MPP7: variants seen among roughly 807,000 people sequenced by gnomAD.
MPP7 encodes MAGUK p55 scaffold protein 7.
A neutral mutation model predicts 76.5 loss-of-function variants in MPP7; 60 were observed. The ratio of observed to expected loss-of-function variants is 0.78; its 90% confidence interval spans 0.64 to 0.97. MPP7 has a LOEUF of 0.97. MPP7 is among the 50% of genes least tolerant of loss of function. The pLI, the probability that MPP7 is intolerant of heterozygous loss-of-function variation, is 0.00. For synonymous variants in MPP7, 237 were observed against 244.5 expected (o/e 0.97, Z 0.29); for missense variants, 641 against 694.0 (o/e 0.92, Z 0.86).
chr10:28,054,823 C>T (rs915021190), intron 16 of MPP7, among the ~76,000 whole-genome samples: 5 of 152,042 alleles, frequency 3.3e-5, no homozygotes, highest in Non-Finnish European at 5.9e-5. Flanking sequence ...ATTACAGGAG[C>T]GTGCCGCCAC....
intron 1 of MPP7, among the ~76,000 whole-genome samples, chr10:28,274,750 T>TA (rs1840439706): frequency 6.6e-6 from 1 of 152,160 alleles, no homozygotes; most frequent in African/African-American, 2.4e-5. Context: ...ACAGAAAGGT[T>TA]AAAAAATCTA....
intron 1 of MPP7, among the ~76,000 whole-genome samples, chr10:28,273,078 G>T (rs1840379087): frequency 6.6e-6 from 1 of 151,968 alleles, no homozygotes; most frequent in Non-Finnish European, 1.5e-5. Context: ...CACCACACTG[G>T]GCTAATTTTT....
intron 11 of MPP7, among the ~76,000 whole-genome samples, chr10:28,111,992 A>T (rs1834519670): frequency 6.6e-6 from 1 of 152,182 alleles, no homozygotes; most frequent in Non-Finnish European, 1.5e-5. Context: ...GAAGGTGTAT[A>T]CCACTGTATT....
intron 3 of MPP7, among the ~76,000 whole-genome samples, chr10:28,156,202 C>T (rs1263221169): frequency 6.6e-6 from 1 of 152,112 alleles, no homozygotes; most frequent in African/African-American, 2.4e-5. Context: ...CCTTAGTTTT[C>T]TCATATTTAA....
At chr10:28,247,452 T>C (rs1267689774) in intron 1 of MPP7, among the ~76,000 whole-genome samples, 2 of 152,350 alleles carry the variant, frequency 1.3e-5, no homozygotes, top group African/African-American at 2.4e-5. Flanking sequence ...TGTATATTTA[T>C]GTATGTATGT....
At position 28,150,546 on chromosome 10, in the gene MPP7, G is replaced by A. The variant is rs777693944; in HGVS notation, c.157-487C>T. 5.9e-5 allele frequency among the ~76,000 whole-genome samples: 9 copies of A among 152,296 alleles called. No homozygotes were observed. The Middle Eastern group carries it at 0.014, about 230-fold the overall frequency. On this transcript the variant is annotated intron_variant, in intron 3 of 16. Transcript: ENST00000683449. ...AAGAGGGAAGGAGCTGGCACTATTT[G>A]TGCCTGGGTGCCACATCCAGGAACA...
chr10:28,159,975 C>G (rs903431567), intron 3 of MPP7, among the ~76,000 whole-genome samples: 4 of 152,114 alleles, frequency 2.6e-5, no homozygotes, highest in African/African-American at 9.7e-5. Flanking sequence ...TTTTTAAGTA[C>G]TAGAAAGCTG....
In MPP7 at chr10:28,238,643, G is replaced by T; in HGVS notation, c.-39C>A. 6.2e-7 allele frequency: 1 copy of T among 1,612,270 alleles called. No homozygotes were observed. The highest frequency in any genetic ancestry group is 1.1e-5 in the South Asian group (1 of 91,000). ...GGAACAGGTCAGCCCACCGCTCTCCGGACACCCTGCCTTCGGACAGCCACA... is the reference window on the plus strand; with the variant it reads ...GGAACAGGTCAGCCCACCGCTCTCCTGACACCCTGCCTTCGGACAGCCACA... On this transcript the variant is annotated 5_prime_UTR_variant, in exon 2 of 17. Coordinates refer to ENST00000683449, the MANE Select transcript of MPP7 (RefSeq NM_001318170.2).
At position 28,280,043 on chromosome 10, in the gene MPP7, C is replaced by T. The variant is rs576544456; in HGVS notation, c.-132+22818G>A. 8 of 152,078 alleles carry T rather than the reference C, an allele frequency of 5.3e-5. No homozygotes were observed. The South Asian group carries it at 1.0e-3, about 20-fold the overall frequency. The allele number at this position is 152,078 out of a possible 1,614,324, so 9.4% of individuals were successfully genotyped here. A position where few individuals can be genotyped will look rare whatever the true frequency, so the allele number is the denominator to read the frequency against. ...ACCACTGGTAAACCAGGACAATGAG[C>T]CATTACAGAGAACAAGGATGAATGC... is the stretch of plus-strand genomic sequence containing the variant. On this transcript the variant is annotated intron_variant, in intron 1 of 16. Transcript: ENST00000683449.
intron 2 of MPP7, among the ~76,000 whole-genome samples, chr10:28,310,385 C>T (rs780013686): frequency 6.6e-6 from 1 of 152,108 alleles, no homozygotes; most frequent in Non-Finnish European, 1.5e-5. Flanking sequence ...CTTCCCAGCT[C>T]AGGTTCCTGC....
At chr10:28,208,215 T>C (rs1290538582) in intron 2 of MPP7, among the ~76,000 whole-genome samples, 1 of 152,078 alleles carries the variant, frequency 6.6e-6, no homozygotes, top group East Asian at 1.9e-4. Flanking sequence ...GATTCTCCAT[T>C]ATCATTGAGC....
At chr10:28,310,429 T>A (rs1380837639) in intron 2 of MPP7, among the ~76,000 whole-genome samples, 1 of 152,102 alleles carries the variant, frequency 6.6e-6, no homozygotes, top group East Asian at 1.9e-4. Flanking sequence ...CATGCCTGCA[T>A]CTCCTCCTGT....
At chr10:28,126,625 C>G (rs150432496) in intron 6 of MPP7, among the ~76,000 whole-genome samples, 2 of 152,302 alleles carry the variant, frequency 1.3e-5, no homozygotes, top group African/African-American at 4.8e-5. Context: ...ACCTTTCGTT[C>G]ATAAGTTCAT....
At chr10:28,123,763 C>T (rs1211743217) in intron 8 of MPP7, among the ~76,000 whole-genome samples, 1 of 152,078 alleles carries the variant, frequency 6.6e-6, no homozygotes, top group Non-Finnish European at 1.5e-5. Flanking sequence ...TAAGCCACCA[C>T]ACTCGGCCCT....
chr10:28,086,988 C>T (rs1164985123), intron 12 of MPP7, among the ~76,000 whole-genome samples: 6 of 152,148 alleles, frequency 3.9e-5, no homozygotes, highest in Non-Finnish European at 8.8e-5. Flanking sequence ...GCTATAGTCT[C>T]GATGTTTGTC....
upstream of MPP7, chr10:28,305,596 T>C: frequency 6.6e-6 from 1 of 152,270 alleles, no homozygotes; most frequent in Non-Finnish European, 1.5e-5. Context: ...GAGACTGTCC[T>C]GCAGCAAATG....
At chr10:28,284,832 T>A (rs1840757583) in intron 1 of MPP7, among the ~76,000 whole-genome samples, 1 of 152,172 alleles carries the variant, frequency 6.6e-6, no homozygotes, top group African/African-American at 2.4e-5. Flanking sequence ...ATAAGATACA[T>A]AAAAGGATAA....
rs1243725581 is a variant in MPP7 at position 28,089,804 on chromosome 10, A to T, written c.990T>A (p.Asp330Glu). ...CATACATGGATTTATTTGTTTTCTT[A>T]TCTTTTCTACTAAGACGAAAACTTT... The part of the protein sequence containing the change: ...FRKSFRLSRK[D>E]KKTNKSMYEC... The change falls in exon 12 of 17, where the codon GAT becomes GAA. Residue 330 changes from aspartate (D) to glutamate (E), a missense_variant. Transcript: ENST00000683449. 1 of 1,589,862 alleles carries T rather than the reference A, an allele frequency of 6.3e-7. No homozygotes were observed. Among genetic ancestry groups the T allele is most frequent in the African/African-American group, 1.3e-5 (1 of 74,336 alleles).
At chr10:28,110,979 CG>C in intron 11 of MPP7, among the ~76,000 whole-genome samples, 1 of 152,204 alleles carries the variant, frequency 6.6e-6, no homozygotes, top group South Asian at 2.1e-4. Flanking sequence ...GGTATTGTAA[CG>C]TCAAGATGGA....
Sources: gnomAD v4.1 joint callset for allele counts (sites outside exome capture counted in the v4.1 genomes callset) on GRCh38, gnomAD v4.1.1 for gene constraint, MANE v1.5 for transcripts, NCBI Gene and HGNC (gene_info 2026-07-23, HGNC 2026-07-21) for gene names.